The following FAM13B variants were observed in gnomAD, a reference collection of about 807,000 sequenced individuals.
FAM13B encodes the protein family with sequence similarity 13 member B.
FAM13B carries 60 observed loss-of-function variants against 117.3 expected under a neutral mutation model. The observed-to-expected ratio is 0.51, with a 90% CI of 0.42 to 0.63. The LOEUF is 0.63. FAM13B is among the 30% of genes least tolerant of loss of function. The pLI, the probability that FAM13B is intolerant of heterozygous loss-of-function variation, is 0.00. For missense variants in FAM13B, 972 were observed against 1,091.9 expected, an observed-to-expected ratio of 0.89 and a Z score of 1.55; for synonymous variants, 332 against 356.1, an observed-to-expected ratio of 0.93 and a Z score of 0.76.
intron 7 of FAM13B, among the ~76,000 whole-genome samples, chr5:137,993,511 G>T (rs1361793506): frequency 6.6e-6 from 1 of 151,802 alleles, no homozygotes; most frequent in African/African-American, 2.4e-5. Flanking sequence ...GGCTGAGCAT[G>T]GTGGCTCATG....
intron 4 of FAM13B, among the ~76,000 whole-genome samples, chr5:138,013,973 C>T (rs1478790163): frequency 6.6e-6 from 1 of 152,140 alleles, no homozygotes; most frequent in South Asian, 2.1e-4. Flanking sequence ...CAGGCTGTCG[C>T]TCCAGGCTGG....
chr5:137,969,296 C>T (rs1771221724), intron 10 of FAM13B, among the ~76,000 whole-genome samples: 3 of 152,220 alleles, frequency 2.0e-5, no homozygotes, highest in Admixed American at 6.5e-5. Flanking sequence ...CAAGTGGGTC[C>T]CTGACCCTTG....
chr5:138,005,328 AC>A (rs542279414), intron 7 of FAM13B, among the ~76,000 whole-genome samples: 184 of 152,330 alleles, frequency 1.2e-3, no homozygotes, highest in Non-Finnish European at 2.4e-3. Flanking sequence ...ACTGTTAATG[AC>A]AGTGTAAACT....
intron 1 of FAM13B, among the ~76,000 whole-genome samples, chr5:138,045,633 C>T (rs111279852): frequency 6.6e-6 from 1 of 152,040 alleles, no homozygotes; most frequent in Non-Finnish European, 1.5e-5. Context: ...ACAAAAGAAA[C>T]CTACAGAATG....
intron 10 of FAM13B, among the ~76,000 whole-genome samples, chr5:137,967,951 C>T (rs1318678828): frequency 6.6e-6 from 1 of 151,744 alleles, no homozygotes; most frequent in African/African-American, 2.4e-5. Flanking sequence ...AGGCCAGGCG[C>T]GGTGGCTCAC....
rs1768216509 is a variant in FAM13B, at chr5:137,961,866, G to A, written c.1244+539C>T. 2.8e-5 allele frequency among the ~76,000 whole-genome samples: 4 copies of A among 143,752 alleles called. No homozygotes were observed. In the South Asian group the frequency reaches 8.5e-4, roughly 30 times the overall value. 94.3% of individuals were successfully genotyped at this position (143,752 alleles called of 152,430 possible). ...TTCTAGAAAGCTTCTATTCAAAGAG[G>A]CTATCTATTGAGACTCTACATTAGT... is the stretch of plus-strand genomic sequence containing the variant. On this transcript the variant is annotated intron_variant, in intron 11 of 23. Coordinates refer to ENST00000689681, the MANE Select transcript of FAM13B (RefSeq NM_001385994.1).
intron 7 of FAM13B, among the ~76,000 whole-genome samples, chr5:137,999,845 G>A (rs1780768838): frequency 6.6e-6 from 1 of 152,032 alleles, no homozygotes; most frequent in African/African-American, 2.4e-5. Context: ...CTTCTCTCAG[G>A]CTTTTTATAA....
intron 1 of FAM13B, among the ~76,000 whole-genome samples, chr5:138,050,334 G>T (rs902626107): frequency 1.3e-4 from 20 of 152,194 alleles, no homozygotes; most frequent in African/African-American, 4.8e-4. Flanking sequence ...CTACTTGGGA[G>T]GCTGAGGCAA....
Position 137,987,466 on chromosome 5 carries a change from A to C in FAM13B, c.1041T>G (p.Asn347Lys). ...AACAGTAAAATGTTTCTTACTGGTT[A>C]TTAGATCCTTCCCCATCACAATGAA... is the stretch of plus-strand genomic sequence containing the variant. ...ESIHCDGEGSNNQIDIADDII... is the reference protein window; with the variant it reads ...ESIHCDGEGSKNQIDIADDII... Residue 347 changes from asparagine (N) to lysine (K), a missense_variant, in exon 9 of 24, where the codon AAT (asparagine) becomes AAG (lysine). Physicochemically the swap from Asn to Lys is moderately conservative, Grantham distance 94. Coordinates refer to ENST00000689681, the MANE Select transcript of FAM13B (RefSeq NM_001385994.1). The C allele has an allele frequency of 6.2e-7, 1 of 1,609,128 alleles. No homozygotes were observed. The highest frequency in any genetic ancestry group is 8.5e-7 in the Non-Finnish European group (1 of 1,178,062).
intron 10 of FAM13B, among the ~76,000 whole-genome samples, chr5:137,983,213 A>AAAAAACAAC: frequency 1.1e-5 from 1 of 93,698 alleles, no homozygotes; most frequent in Non-Finnish European, 2.3e-5. Flanking sequence ...AAAAAAAAAA[A>AAAAAACAAC]AACCGAGTGA....
chr5:138,043,524 C>T (rs1791557987), intron 1 of FAM13B, among the ~76,000 whole-genome samples: 1 of 150,922 alleles, frequency 6.6e-6, no homozygotes, highest in Non-Finnish European at 1.5e-5. Flanking sequence ...ACTGCAACCT[C>T]CACCTCTCAG....
chr5:138,024,160 C>G (rs1787542610), intron 1 of FAM13B, among the ~76,000 whole-genome samples: 2 of 152,046 alleles, frequency 1.3e-5, no homozygotes, highest in Non-Finnish European at 2.9e-5. Context: ...TCATGTCCAC[C>G]AAGAACCTCA....
chr5:137,946,970 T>A (rs1024209995), intron 18 of FAM13B, among the ~76,000 whole-genome samples: 3 of 152,228 alleles, frequency 2.0e-5, no homozygotes, highest in African/African-American at 7.2e-5. Flanking sequence ...TTCTTTATAC[T>A]GCAATACTCT....
chr5:137,969,913 A>C (rs936503107), intron 10 of FAM13B, among the ~76,000 whole-genome samples: 33 of 152,122 alleles, frequency 2.2e-4, no homozygotes, highest in Admixed American at 1.8e-3. Context: ...TTAGAGAAAA[A>C]AGAATAAAAA....
At chr5:137,998,958 C>T (rs188398445) in intron 7 of FAM13B, among the ~76,000 whole-genome samples, 3 of 152,338 alleles carry the variant, frequency 2.0e-5, no homozygotes, top group African/African-American at 7.2e-5. Context: ...CCTAAAGTGG[C>T]AGAAGAGTAT....
intron 10 of FAM13B, among the ~76,000 whole-genome samples, chr5:137,964,826 A>T (rs1380957909): frequency 6.6e-6 from 1 of 152,034 alleles, no homozygotes; most frequent in Non-Finnish European, 1.5e-5. Context: ...TTACTTGACT[A>T]CCTCAGAGTT....
chr5:137,962,505 T>C, intron 10 of FAM13B, 36 bp from the exon 11 acceptor site: 1 of 1,575,728 alleles, frequency 6.3e-7, no homozygotes, highest in Non-Finnish European at 8.7e-7. Flanking sequence ...TTAATGGAGC[T>C]CCCAATACTC....
intron 7 of FAM13B, among the ~76,000 whole-genome samples, chr5:138,002,237 C>T (rs548321104): frequency 3.9e-5 from 6 of 152,266 alleles, no homozygotes; most frequent in South Asian, 2.1e-4. Context: ...AAATAATATA[C>T]TTCAATGGAA....
chr5:137,966,470 T>C (rs1284911747), intron 10 of FAM13B, among the ~76,000 whole-genome samples: 3 of 64,374 alleles, frequency 4.7e-5, no homozygotes, highest in African/African-American at 1.8e-4. Flanking sequence ...TATATATATA[T>C]ATATATATAT....
Sources: allele counts gnomAD v4.1 joint callset (sites outside exome capture counted in the v4.1 genomes callset), GRCh38; gene constraint gnomAD v4.1.1; transcripts MANE v1.5; gene names NCBI Gene and HGNC (gene_info 2026-07-23, HGNC 2026-07-21).